PCGF2: variants seen among roughly 807,000 people sequenced by gnomAD.
PCGF2 encodes the protein polycomb group RING finger protein 2.
In PCGF2, 8 loss-of-function variants were observed where a neutral mutation model predicts 36.1. The observed-to-expected ratio is 0.22, with a 90% confidence interval of 0.13 to 0.40. PCGF2 has a LOEUF of 0.40. PCGF2 is among the 10% of genes least tolerant of loss of function. The probability of loss-of-function intolerance (pLI) is 1.00; values close to 1 mark genes in which losing one functional copy is unlikely to be tolerated. For missense variants in PCGF2, 436 were observed against 475.9 expected, an observed-to-expected ratio of 0.92 and a Z score of 0.78; for synonymous variants, 198 against 191.2, an observed-to-expected ratio of 1.04 and a Z score of -0.29.
At chr17:38,738,129 C>G (rs1026970767) in intron 9 of PCGF2, among the ~76,000 whole-genome samples, 1 of 152,172 alleles carries the variant, frequency 6.6e-6, no homozygotes, top group Non-Finnish European at 1.5e-5. Flanking sequence ...GCAACATGCA[C>G]ACATACACAC....
chr17:38,743,775 A>G (rs995776957), intron 2 of PCGF2, among the ~76,000 whole-genome samples: 1 of 151,200 alleles, frequency 6.6e-6, no homozygotes, highest in Non-Finnish European at 1.5e-5. Context: ...CCCTCTCCCC[A>G]TCTCCCCACC....
chr17:38,743,941 G>C (rs944142412), intron 2 of PCGF2, among the ~76,000 whole-genome samples: 1 of 152,132 alleles, frequency 6.6e-6, no homozygotes, highest in Non-Finnish European at 1.5e-5. Flanking sequence ...GGAAGAACTC[G>C]AGGGAGAAAG....
Position 38,734,422 on chromosome 17 carries a change from G to A in PCGF2, c.*801C>T, listed in dbSNP as rs1450816491. 2 of 152,158 alleles carry A rather than the reference G, an allele frequency of 1.3e-5. No homozygotes were observed. Among genetic ancestry groups the A allele is most frequent in the Non-Finnish European group, 2.9e-5 (2 of 68,036 alleles). The allele number at this position is 152,158 out of a possible 1,614,324, so 9.4% of individuals were successfully genotyped here. On this transcript the variant is annotated 3_prime_UTR_variant, in exon 11 of 11. Coordinates refer to ENST00000620225, the MANE Select transcript of PCGF2 (RefSeq NM_007144.3). Reference sequence around the variant, plus strand: ...TGAGGGTAAGGTTGGTGGGGGTGCAGCGCTTCACAATGCTAAAGCCTTAGC... The same window carrying A: ...TGAGGGTAAGGTTGGTGGGGGTGCAACGCTTCACAATGCTAAAGCCTTAGC...
intron 9 of PCGF2, among the ~76,000 whole-genome samples, chr17:38,736,533 G>A (rs1906736232): frequency 6.6e-6 from 1 of 151,958 alleles, no homozygotes. Flanking sequence ...CACCCAGGGA[G>A]CTTTAAAAAA....
Position 38,741,250 on chromosome 17 carries a change from G to A in PCGF2, c.-40-808C>T, listed in dbSNP as rs577648778. On this transcript the variant is annotated intron_variant, in intron 2 of 10. Transcript: ENST00000620225. Reference sequence around the variant, plus strand: ...TATGCCACTGCACTCAAGCCTGGGCGACAGAGCGAGACTCTGTCTAAAAAA... The same window carrying A: ...TATGCCACTGCACTCAAGCCTGGGCAACAGAGCGAGACTCTGTCTAAAAAA... 6.6e-5 allele frequency among the ~76,000 whole-genome samples: 10 copies of A among 151,812 alleles called. 1 individual carries two copies. In the East Asian group the frequency reaches 1.4e-3, roughly 21 times the overall value.
At position 38,738,597 on chromosome 17, in the gene PCGF2, TG is replaced by T; in HGVS notation, c.426-3del. 6.4e-7 allele frequency: 1 copy of T among 1,569,818 alleles called. No individual in the cohort carries two copies. Among genetic ancestry groups the T allele is most frequent in the Non-Finnish European group, 8.6e-7 (1 of 1,159,150 alleles). On this transcript the variant is annotated splice_polypyrimidine_tract_variant and splice_region_variant and intron_variant, in intron 7 of 10. Transcript: ENST00000620225. ...GGGCCCTTCTTCTCGTCCCGGTCCC[TG>T]GGGACGGAGAAAGAATGAAGCTAGG... is the stretch of plus-strand genomic sequence containing the variant.
chr17:38,747,317 G>A (rs1024587308), intron 2 of PCGF2, among the ~76,000 whole-genome samples: 1 of 152,070 alleles, frequency 6.6e-6, no homozygotes, highest in African/African-American at 2.4e-5. Context: ...GGGGTGGCTG[G>A]GCGTCCCAGG....
intron 10 of PCGF2, among the ~76,000 whole-genome samples, chr17:38,735,822 G>A (rs539245186): frequency 3.3e-4 from 50 of 152,262 alleles, no homozygotes; most frequent in African/African-American, 1.2e-3. Flanking sequence ...CGGGAGAGAG[G>A]GAGGCAAACA....
At chr17:38,735,688 C>G (rs548302805) in intron 10 of PCGF2, 88 bp from the exon 11 acceptor site, 2 of 1,443,728 alleles carry the variant, frequency 1.4e-6, no homozygotes, top group East Asian at 5.0e-5. Flanking sequence ...CTCCACCCCA[C>G]AGTGTCCAAA....
chr17:38,747,933 G>A lies in PCGF2; in HGVS notation c.-95C>T, dbSNP rs1463990770. On this transcript the variant is annotated 5_prime_UTR_variant, in exon 2 of 11. Coordinates refer to ENST00000620225, the MANE Select transcript of PCGF2 (RefSeq NM_007144.3). ...GCACAAAGAGGTGGTGGTCGAGGGA[G>A]ACGCCAAATCGTTAAGACGGGGAGC... The A allele has an allele frequency of 1.3e-5, 2 of 152,830 alleles. No individual in the cohort carries two copies. The highest frequency in any genetic ancestry group is 4.8e-5 in the African/African-American group (2 of 41,456). The allele number at this position is 152,830 out of a possible 1,614,324, so 9.5% of individuals were successfully genotyped here.
At chr17:38,738,882 C>A (rs763189159) in intron 6 of PCGF2, 21 bp from the exon 7 acceptor site, 1 of 1,603,794 alleles carries the variant, frequency 6.2e-7, no homozygotes, top group Admixed American at 1.7e-5. Context: ...AAAGAGCTCT[C>A]GGGTTGGCGG....
intron 2 of PCGF2, among the ~76,000 whole-genome samples, chr17:38,745,579 G>T (rs941284776): frequency 6.6e-6 from 1 of 152,238 alleles, no homozygotes; most frequent in Non-Finnish European, 1.5e-5. Context: ...ACTCAGATGT[G>T]ACTTGTCTAA....
upstream of PCGF2, chr17:38,749,268 G>T: frequency 1.5e-5 from 3 of 204,994 alleles, no homozygotes; most frequent in South Asian, 2.1e-4. The surrounding 1 kb of genome is among the most constrained non-coding windows in gnomAD (Gnocchi z 6.5). Context: ...CCTGCGCTGC[G>T]CGCTGCCTGT....
chr17:38,740,169 G>A (rs922188713), intron 3 of PCGF2, 122 bp downstream of exon 3: 1 of 808,380 alleles, frequency 1.2e-6, no homozygotes, highest in African/African-American at 1.7e-5. Context: ...ATTCCCAGCA[G>A]ACACGTGGGC....
intron 2 of PCGF2, among the ~76,000 whole-genome samples, chr17:38,742,726 T>G (rs560299190): frequency 2.8e-4 from 42 of 152,200 alleles, no homozygotes; most frequent in Non-Finnish European, 4.7e-4. Flanking sequence ...GCCCAAATAT[T>G]ATTACAACCA....
At chr17:38,737,455 CAAAA>C (rs1470575393) in intron 9 of PCGF2, among the ~76,000 whole-genome samples, 1 of 151,926 alleles carries the variant, frequency 6.6e-6, no homozygotes. Flanking sequence ...AAAGGGGAAA[CAAAA>C]AAAGCAAAAA....
At chr17:38,737,882 A>C (rs1285256876) in intron 9 of PCGF2, among the ~76,000 whole-genome samples, 1 of 146,472 alleles carries the variant, frequency 6.8e-6, no homozygotes, top group Non-Finnish European at 1.5e-5. Flanking sequence ...ACTGCACTCT[A>C]GCCTGGTGAC....
Position 38,743,767 on chromosome 17 carries a change from C to G in PCGF2, c.-40-3325G>C, listed in dbSNP as rs565450215. On this transcript the variant is annotated intron_variant, in intron 2 of 10. Transcript: ENST00000620225. ...AGGAGCTCTGACTCCCTAGAGCACC[C>G]TCTCCCCATCTCCCCACCCCAGGAG... Among the ~76,000 whole-genome samples, 10 of 152,242 alleles carry G rather than the reference C, an allele frequency of 6.6e-5. No homozygotes were observed. The East Asian group carries it at 1.7e-3, about 27-fold the overall frequency.
chr17:38,736,194 C>T (rs753359062), intron 9 of PCGF2, 24 bp from the exon 10 acceptor site: 11 of 1,520,280 alleles, frequency 7.2e-6, no homozygotes, highest in Non-Finnish European at 3.6e-6. Context: ...GCGGAGGACA[C>T]CATGACCCTG....
Sources: gnomAD v4.1 joint callset for allele counts (sites outside exome capture counted in the v4.1 genomes callset) on GRCh38, gnomAD v4.1.1 for gene constraint, Gnocchi (gnomAD v3.1) non-coding constraint, MANE v1.5 for transcripts, NCBI Gene and HGNC (gene_info 2026-07-23, HGNC 2026-07-21) for gene names.